PHACTR1: variants seen among roughly 807,000 people sequenced by gnomAD.
The protein encoded by PHACTR1 is phosphatase and actin regulator 1.
A neutral mutation model predicts 69.2 loss-of-function variants in PHACTR1; 16 were observed. The observed-to-expected ratio is 0.23, with a 90% confidence interval of 0.16 to 0.35. The LOEUF is 0.35. PHACTR1 is among the 10% of genes least tolerant of loss of function. The pLI is 1.00. For missense variants in PHACTR1, 510 were observed against 734.7 expected, an observed-to-expected ratio of 0.69 and a Z score of 3.54; for synonymous variants, 312 against 284.5, an observed-to-expected ratio of 1.10 and a Z score of -0.97.
chr6:12,995,074 A>G (rs1378172572), intron 4 of PHACTR1, among the ~76,000 whole-genome samples: 1 of 152,122 alleles, frequency 6.6e-6, no homozygotes, highest in Non-Finnish European at 1.5e-5. Flanking sequence ...AAGTAAAACA[A>G]CATGAAACAA....
chr6:13,242,328 C>T (rs1342256106), intron 10 of PHACTR1, among the ~76,000 whole-genome samples: 7 of 152,216 alleles, frequency 4.6e-5, no homozygotes, highest in African/African-American at 1.7e-4. Context: ...GAGAAGCACA[C>T]GCAGTGTTGG....
rs549154741 is a variant in PHACTR1 at position 13,249,671 on chromosome 6, C to T, written c.1391+19478C>T. ...AAAATTAGCCGGATGTGGTGGCAGGCGCCTGTAATCCCAGCTACTCAGGAG... is the reference window on the plus strand; with the variant it reads ...AAAATTAGCCGGATGTGGTGGCAGGTGCCTGTAATCCCAGCTACTCAGGAG... On this transcript the variant is annotated intron_variant, in intron 10 of 14. Coordinates refer to ENST00000332995, the MANE Select transcript of PHACTR1 (RefSeq NM_030948.6). Among the ~76,000 whole-genome samples the T allele has an allele frequency of 2.0e-3, 308 of 151,926 alleles. 1 individual carries two copies. The highest frequency in any genetic ancestry group is 3.1e-3 in the Non-Finnish European group (214 of 67,944).
chr6:12,889,764 C>A lies in PHACTR1; in HGVS notation c.250+139974C>A, dbSNP rs6922863. Among the ~76,000 whole-genome samples the A allele has an allele frequency of 1.1e-3, 171 of 149,124 alleles. 1 individual carries two copies. Among genetic ancestry groups the A allele is most frequent in the African/African-American group, 4.1e-3 (165 of 40,434 alleles). ...TTCTTTCTTCTTCTTCTTCTTCTTC[C>A]TCTTCTTCTCCTCCTCCTCCTTCTC... On this transcript the variant is annotated intron_variant, in intron 4 of 14. Transcript: ENST00000332995.
intron 8 of PHACTR1, among the ~76,000 whole-genome samples, chr6:13,215,359 G>A (rs148628735): frequency 1.3e-3 from 201 of 152,310 alleles, no homozygotes; most frequent in African/African-American, 4.7e-3. Context: ...ATTCGGAGTT[G>A]TCTTCTCTGA....
chr6:12,828,372 T>C (rs1386405338), intron 4 of PHACTR1, among the ~76,000 whole-genome samples: 1 of 152,220 alleles, frequency 6.6e-6, no homozygotes, highest in Non-Finnish European at 1.5e-5. Context: ...AACACAGAGA[T>C]TAAAGTAAAT....
intron 10 of PHACTR1, among the ~76,000 whole-genome samples, chr6:13,232,763 G>T (rs555016198): frequency 9.9e-5 from 15 of 152,090 alleles, no homozygotes; most frequent in African/African-American, 3.6e-4. Context: ...GGTGGTTGGG[G>T]TGGGTGGGTG....
intron 3 of PHACTR1, among the ~76,000 whole-genome samples, chr6:12,731,867 C>T (rs1004250470): frequency 1.3e-5 from 2 of 152,046 alleles, no homozygotes; most frequent in African/African-American, 2.4e-5. Flanking sequence ...GCTCACATGT[C>T]GCCACACATT....
chr6:13,053,294 C>T (rs1284983101), intron 4 of PHACTR1, 71 bp from the exon 5 acceptor site: 3 of 1,415,764 alleles, frequency 2.1e-6, no homozygotes, highest in African/African-American at 2.9e-5. Context: ...AAAACGTTGG[C>T]CATCTGTGAG....
intron 4 of PHACTR1, among the ~76,000 whole-genome samples, chr6:12,881,031 G>A (rs913399700): frequency 6.6e-6 from 1 of 152,204 alleles, no homozygotes; most frequent in Admixed American, 6.5e-5. Context: ...GAGCTATTAA[G>A]AGTACCTGAC....
intron 6 of PHACTR1, among the ~76,000 whole-genome samples, chr6:13,161,311 C>T (rs1758972641): frequency 6.6e-6 from 1 of 152,118 alleles, no homozygotes; most frequent in South Asian, 2.1e-4. Flanking sequence ...CATGCGTGCA[C>T]CTTCTCTTCT....
chr6:13,186,980 C>A (rs1762895937), intron 7 of PHACTR1, among the ~76,000 whole-genome samples: 1 of 152,166 alleles, frequency 6.6e-6, no homozygotes, highest in African/African-American at 2.4e-5. Flanking sequence ...GATCGTCAGG[C>A]AGTGGATTTT....
chr6:13,123,887 G>A (rs1819116590), intron 5 of PHACTR1, among the ~76,000 whole-genome samples: 1 of 152,176 alleles, frequency 6.6e-6, no homozygotes, highest in African/African-American at 2.4e-5. Flanking sequence ...GGGGACACAG[G>A]CAGTCCTGAG....
intron 3 of PHACTR1, among the ~76,000 whole-genome samples, chr6:12,723,270 T>G (rs1406221798): frequency 6.6e-6 from 1 of 152,002 alleles, no homozygotes; most frequent in Admixed American, 6.6e-5. Context: ...CGTCAGTCAC[T>G]TGCTACCCAG....
chr6:12,747,858 G>C lies in PHACTR1; in HGVS notation c.104-1786G>C, dbSNP rs192518055. ...CTGGAGGTAAATAATGGGAGATGAG[G>C]ATGGGAAAGACAGGTTGTAGAGGGC... On this transcript the variant is annotated intron_variant, in intron 3 of 14. Transcript: ENST00000332995. Among the ~76,000 whole-genome samples, 153 of 152,198 alleles carry C rather than the reference G, an allele frequency of 1.0e-3. 1 individual carries two copies. Among genetic ancestry groups the C allele is most frequent in the African/African-American group, 3.7e-3 (152 of 41,518 alleles).
In PHACTR1 at chr6:13,019,225, TA is replaced by T. The variant is rs34844554; in HGVS notation, c.251-34133del. On this transcript the variant is annotated intron_variant, in intron 4 of 14. Transcript: ENST00000332995. ...GCAGTGCCTGGCCCAAGATGCCCTT[TA>T]AAAAAAGTTTATTATGAAAAATTGT... is the stretch of plus-strand genomic sequence containing the variant. Among the ~76,000 whole-genome samples the T allele has an allele frequency of 4.5e-3, 681 of 152,148 alleles. 7 individuals carry two copies. The highest frequency in any genetic ancestry group is 0.016 in the African/African-American group (646 of 41,526).
At chr6:12,769,181 G>C (rs571616099) in intron 4 of PHACTR1, among the ~76,000 whole-genome samples, 1 of 152,240 alleles carries the variant, frequency 6.6e-6, no homozygotes, top group African/African-American at 2.4e-5. Flanking sequence ...ACAATGTATT[G>C]TGTATTTTAA....
At chr6:13,133,244 TTTCC>T (rs1820809148) in intron 5 of PHACTR1, among the ~76,000 whole-genome samples, 1 of 27,184 alleles carries the variant, frequency 3.7e-5, no homozygotes, top group African/African-American at 2.1e-4. Flanking sequence ...TCCCTCTCCC[TTTCC>T]CTCTCCCTCT....
chr6:13,105,698 C>T (rs1816014433), intron 5 of PHACTR1, among the ~76,000 whole-genome samples: 1 of 152,116 alleles, frequency 6.6e-6, no homozygotes, highest in African/African-American at 2.4e-5. Flanking sequence ...AGTAATTCTC[C>T]AGAAGGACTC....
intron 4 of PHACTR1, among the ~76,000 whole-genome samples, chr6:12,863,123 A>G (rs1343484589): frequency 6.6e-6 from 1 of 152,276 alleles, no homozygotes; most frequent in African/African-American, 2.4e-5. Flanking sequence ...CATATACAGT[A>G]TGTAGAGAAG....
Sources: gnomAD v4.1 joint callset for allele counts (sites outside exome capture counted in the v4.1 genomes callset) on GRCh38, gnomAD v4.1.1 for gene constraint, MANE v1.5 for transcripts, NCBI Gene and HGNC (gene_info 2026-07-23, HGNC 2026-07-21) for gene names.